EPSTI1: variants seen among roughly 807,000 people sequenced by gnomAD.
EPSTI1 encodes the protein epithelial-stromal interaction protein 1.
A neutral mutation model predicts 49.9 loss-of-function variants in EPSTI1; 66 were observed. The ratio of observed to expected loss-of-function variants is 1.32; its 90% confidence interval spans 1.08 to 1.62. The LOEUF is 1.62. Ranked by LOEUF, EPSTI1 falls within the 40% of genes most tolerant of loss-of-function variation. EPSTI1 has a pLI of 0.00. For synonymous variants in EPSTI1, 137 were observed against 130.7 expected, an observed-to-expected ratio of 1.05 and a Z score of -0.33; for missense variants, 394 against 365.5, an observed-to-expected ratio of 1.08 and a Z score of -0.64.
chr13:42,987,904 T>C (rs1260140126), intron 1 of EPSTI1, among the ~76,000 whole-genome samples: 1 of 152,198 alleles, frequency 6.6e-6, no homozygotes, highest in Non-Finnish European at 1.5e-5. Context: ...ACTACGTAAG[T>C]GCTATTATTA....
intron 8 of EPSTI1, among the ~76,000 whole-genome samples, chr13:42,915,744 T>A (rs2037812484): frequency 6.6e-6 from 1 of 152,194 alleles, no homozygotes; most frequent in South Asian, 2.1e-4. Context: ...TGTAAAAGGA[T>A]ATATAATAAA....
intron 6 of EPSTI1, among the ~76,000 whole-genome samples, chr13:42,945,236 T>G (rs964541951): frequency 2.6e-5 from 4 of 152,252 alleles, no homozygotes; most frequent in African/African-American, 7.2e-5. Context: ...CAAGAAACAG[T>G]GGGTGCAGGG....
rs2038053411 is a variant in EPSTI1 at position 42,922,815 on chromosome 13, T to C, written c.657+3521A>G. ...TCACAGTAGTGTGAGAGAGGAGAGC[T>C]GGAGAGGCATGAGCTATAGAGCTTG... On this transcript the variant is annotated intron_variant, in intron 7 of 10. Coordinates refer to ENST00000313624, the MANE Select transcript of EPSTI1 (RefSeq NM_033255.5). This position sits in a 1 kb window ranked among gnomAD's most constrained non-coding sequence, Gnocchi z 4.8. 6.6e-6 allele frequency among the ~76,000 whole-genome samples: 1 copy of C among 152,188 alleles called. No homozygotes were observed. The highest frequency in any genetic ancestry group is 1.5e-5 in the Non-Finnish European group (1 of 68,016).
intron 9 of EPSTI1, among the ~76,000 whole-genome samples, chr13:42,899,549 A>G (rs2037295510): frequency 6.6e-6 from 1 of 152,178 alleles, no homozygotes; most frequent in South Asian, 2.1e-4. Context: ...TAACTTAAAA[A>G]TACAGTTTAG....
chr13:42,951,157 C>CA lies in EPSTI1; in HGVS notation c.563+2790dup, dbSNP rs1236968854. On this transcript the variant is annotated intron_variant, in intron 6 of 10. Coordinates refer to ENST00000313624, the MANE Select transcript of EPSTI1 (RefSeq NM_033255.5). ...GAGCAACAGAGCAAGACTCCATTTC[C>CA]AAAAAAAAGAAAAAAAATCCAAAGC... is the stretch of plus-strand genomic sequence containing the variant. Among the ~76,000 whole-genome samples, 29 of 147,610 alleles carry CA rather than the reference C, an allele frequency of 2.0e-4. No homozygotes were observed. In the East Asian group the frequency reaches 2.6e-3, roughly 13 times the overall value.
intron 2 of EPSTI1, 79 bp downstream of exon 2, chr13:42,970,528 GAAAAT>G: frequency 7.8e-7 from 1 of 1,275,310 alleles, no homozygotes; most frequent in East Asian, 2.4e-5. Context: ...ATATAAATGA[GAAAAT>G]AAAAATACTT....
intron 9 of EPSTI1, 127 bp downstream of exon 9, chr13:42,900,181 CAG>C (rs1316674863): frequency 1.3e-6 from 1 of 796,868 alleles, no homozygotes; most frequent in Non-Finnish European, 2.1e-6. Context: ...GTCCCAATAA[CAG>C]ATTTAAAGGT....
At chr13:42,908,277 G>A (rs962954270) in intron 8 of EPSTI1, among the ~76,000 whole-genome samples, 2 of 152,188 alleles carry the variant, frequency 1.3e-5, no homozygotes, top group Non-Finnish European at 2.9e-5. Context: ...CTGCAGGCTA[G>A]GAGTTTGAGA....
At chr13:42,953,725 G>A (rs1433253656) in intron 6 of EPSTI1, among the ~76,000 whole-genome samples, 1 of 152,184 alleles carries the variant, frequency 6.6e-6, no homozygotes, top group Non-Finnish European at 1.5e-5. Context: ...TATTTATAAT[G>A]GGGAATTTCT....
At chr13:42,931,120 T>G (rs563966273) in intron 6 of EPSTI1, among the ~76,000 whole-genome samples, 25 of 152,120 alleles carry the variant, frequency 1.6e-4, no homozygotes, top group South Asian at 4.2e-4. Context: ...CCTCCTTCTA[T>G]CTGATGATGG....
intron 6 of EPSTI1, among the ~76,000 whole-genome samples, chr13:42,927,328 TC>T (rs1490122902): frequency 1.3e-5 from 2 of 152,210 alleles, no homozygotes; most frequent in African/African-American, 4.8e-5. Context: ...TACGCCTTTG[TC>T]CTTTTCTCAT....
At chr13:42,936,510 T>C (rs762193113) in intron 6 of EPSTI1, among the ~76,000 whole-genome samples, 2 of 152,178 alleles carry the variant, frequency 1.3e-5, no homozygotes, top group African/African-American at 4.8e-5. Context: ...TTCGGAAATA[T>C]GTCTGTCCTG....
At position 42,887,189 on chromosome 13, in the gene EPSTI1, T is replaced by TAACA. The variant is rs1358763094; in HGVS notation, c.*1301_*1304dup. 6.6e-6 allele frequency: 1 copy of TAACA among 152,228 alleles called. No individual in the cohort carries two copies. The highest frequency in any genetic ancestry group is 1.5e-5 in the Non-Finnish European group (1 of 68,052). 9.4% of individuals were successfully genotyped at this position (152,228 alleles called of 1,614,324 possible). A position where few individuals can be genotyped will look rare whatever the true frequency, so the allele number is the denominator to read the frequency against. On this transcript the variant is annotated 3_prime_UTR_variant, in exon 11 of 11. Coordinates refer to ENST00000313624, the MANE Select transcript of EPSTI1 (RefSeq NM_033255.5). Reference sequence around the variant, plus strand: ...CATTTTATATTAGTGTCAACAGCACTAACACAGCTTCAGCTGGCGGAGGAG... The same window carrying TAACA: ...CATTTTATATTAGTGTCAACAGCACTAACAAACACAGCTTCAGCTGGCGGAGGAG...
chr13:42,947,271 T>C (rs1273556818), intron 6 of EPSTI1, among the ~76,000 whole-genome samples: 1 of 148,586 alleles, frequency 6.7e-6, no homozygotes, highest in Non-Finnish European at 1.5e-5. Context: ...ATCAGGCACT[T>C]CAGAACATCT....
intron 6 of EPSTI1, among the ~76,000 whole-genome samples, chr13:42,952,719 C>A (rs780015387): frequency 2.6e-5 from 4 of 152,214 alleles, no homozygotes; most frequent in Admixed American, 6.5e-5. Flanking sequence ...CCAACACTTT[C>A]ATCCTACCCC....
At chr13:42,917,658 A>G in intron 7 of EPSTI1, 34 bp from the exon 8 acceptor site, 1 of 1,401,382 alleles carries the variant, frequency 7.1e-7, no homozygotes, top group African/African-American at 1.4e-5. Flanking sequence ...AAAAAAAAAA[A>G]ACAACTTGAT....
At position 42,992,075 on chromosome 13, in the gene EPSTI1, G is replaced by A. The variant is rs781315967; in HGVS notation, c.91C>T (p.Gln31Ter). 6.2e-7 allele frequency: 1 copy of A among 1,613,320 alleles called. No individual in the cohort carries two copies. Residue 31 changes from glutamine to a stop codon, truncating the protein, a stop_gained, in exon 1 of 11, where the codon CAA (glutamine) becomes TAA (stop). Coordinates refer to ENST00000313624, the MANE Select transcript of EPSTI1 (RefSeq NM_033255.5). LOFTEE classifies it high-confidence loss of function. ...TRDPQDPSGR[Q>*]GELSPVEDQR... ...TCTTCCACGGGGCTCAGCTCCCCTT[G>A]CCGCCCAGAAGGGTCCTGGGGATCC...
chr13:42,911,264 T>TGTGTGTGC (rs549150890), intron 8 of EPSTI1, among the ~76,000 whole-genome samples: 108 of 148,548 alleles, frequency 7.3e-4, no homozygotes, highest in East Asian at 2.4e-3. Context: ...TGTGTGTGTG[T>TGTGTGTGC]GCGCGCGCAC....
At chr13:42,942,976 C>T (rs1221367310) in intron 6 of EPSTI1, among the ~76,000 whole-genome samples, 1 of 152,140 alleles carries the variant, frequency 6.6e-6, no homozygotes, top group Admixed American at 6.5e-5. Context: ...GCGTGAGCCA[C>T]CGCGCCCAGC....
Sources: gnomAD v4.1 joint callset for allele counts (sites outside exome capture counted in the v4.1 genomes callset) on GRCh38, gnomAD v4.1.1 for gene constraint, Gnocchi (gnomAD v3.1) non-coding constraint, MANE v1.5 for transcripts, NCBI Gene and HGNC (gene_info 2026-07-23, HGNC 2026-07-21) for gene names.